KIF9: variants seen among roughly 807,000 people sequenced by gnomAD.
The protein encoded by KIF9 is kinesin family member 9.
A neutral mutation model predicts 94.8 loss-of-function variants in KIF9; 68 were observed. The observed-to-expected ratio is 0.72, with a 90% CI of 0.59 to 0.88. KIF9 has a LOEUF of 0.88. KIF9 is among the 40% of genes least tolerant of loss of function. The probability of loss-of-function intolerance (pLI) is 0.00; values close to 1 mark genes in which losing one functional copy is unlikely to be tolerated. For missense variants in KIF9, 882 were observed against 982.5 expected (o/e 0.90, Z 1.37); for synonymous variants, 343 against 362.1 (o/e 0.95, Z 0.60).
At position 47,243,127 on chromosome 3, in the gene KIF9, G is replaced by C; in HGVS notation, c.1633C>G (p.Leu545Val). The change falls in exon 16 of 21, where the codon CTT becomes GTT. Residue 545 changes from leucine to valine, a missense_variant. By Grantham distance (32) the Leu-to-Val change is conservative (BLOSUM62 1). Transcript: ENST00000684063. ...SSKDGDVKDM[L>V]SRDRETSSIE... ...CTGGAAGTTTCCCGGTCCCGCGAAA[G>C]CATGTCTTTGACATCCCCATCTTTG... 1.9e-6 allele frequency: 3 copies of C among 1,613,956 alleles called. No individual in the cohort carries two copies. The highest frequency in any genetic ancestry group is 2.5e-6 in the Non-Finnish European group (3 of 1,179,884).
chr3:47,248,504 A>G (rs1053622389), intron 10 of KIF9, among the ~76,000 whole-genome samples: 1 of 151,626 alleles, frequency 6.6e-6, no homozygotes, highest in African/African-American at 2.4e-5. Flanking sequence ...GTGCAATGGC[A>G]TGGTCTCAGC....
At chr3:47,230,173 G>A (rs1460641713) in intron 20 of KIF9, among the ~76,000 whole-genome samples, 3 of 151,768 alleles carry the variant, frequency 2.0e-5, no homozygotes, top group Non-Finnish European at 4.4e-5. Context: ...AGCACTTTGG[G>A]AAGCTGAGGT....
intron 1 of KIF9, among the ~76,000 whole-genome samples, chr3:47,279,631 T>G (rs1228011788): frequency 6.6e-6 from 1 of 151,792 alleles, no homozygotes; most frequent in Non-Finnish European, 1.5e-5. Flanking sequence ...TATTTTTTTT[T>G]TTTGAGGCAG....
chr3:47,273,648 C>T lies in KIF9; in HGVS notation c.270G>A (p.Met90Ile). 3 of 1,613,666 alleles carry T rather than the reference C, an allele frequency of 1.9e-6. No homozygotes were observed. Among genetic ancestry groups the T allele is most frequent in the Non-Finnish European group, 2.5e-6 (3 of 1,179,774 alleles). ...TGCCAGCTCCCGTCTGCCCATAACA[C>T]ATGATGGTGCCTGCAAACATTTCAA... The part of the protein sequence containing the change: ...QALDGYNGTI[M>I]CYGQTGAGKT... Residue 90 changes from methionine (M) to isoleucine (I), a missense_variant, in exon 4 of 21, where the codon ATG becomes ATA. Transcript: ENST00000684063.
intron 1 of KIF9, chr3:47,280,905 C>G (rs1470669480): frequency 4.3e-6 from 3 of 702,992 alleles, no homozygotes; most frequent in Non-Finnish European, 7.8e-6. Context: ...ACTCAGCAGC[C>G]CTTTAACACC....
intron 20 of KIF9, among the ~76,000 whole-genome samples, chr3:47,232,952 G>A (rs1379878960): frequency 4.0e-5 from 6 of 150,238 alleles, no homozygotes; most frequent in African/African-American, 1.2e-4. Context: ...CTGCATTCCA[G>A]GTTGGGCGAC....
rs960462084 is a variant in KIF9 at position 47,245,674 on chromosome 3, C to A, written c.1290-163G>T. 1.4e-4 allele frequency: 86 copies of A among 623,764 alleles called. 3 individuals carry two copies. Among genetic ancestry groups the A allele is most frequent in the Middle Eastern group, 8.6e-4 (2 of 2,324 alleles). The allele number at this position is 623,764 out of a possible 1,614,324, so 38.6% of individuals were successfully genotyped here. ...AGACAAAAGGACAAAGGACTCACTT[C>A]CCCCTGCCCCATTGCATATACCCAC... On this transcript the variant is annotated intron_variant, in intron 13 of 20. Transcript: ENST00000684063.
rs1701164169 is a variant in KIF9, at chr3:47,264,346, T to A, written c.921A>T (p.Gly307=). The A allele has an allele frequency of 6.2e-7, 1 of 1,613,416 alleles. No individual in the cohort carries two copies. The highest frequency in any genetic ancestry group is 8.5e-7 in the Non-Finnish European group (1 of 1,179,374). ...LTHALKDSLG[G]NCNMVLVTNI... is the part of the protein sequence containing the mutation. ...TTGTCACGAGGACCATATTGCAGTT[T>A]CCCCCTGCGGAAAGCAAGACACAGA... is the stretch of plus-strand genomic sequence containing the variant. Residue 307 remains glycine (G), a synonymous_variant, in exon 9 of 21, where the codon GGA becomes GGT. Transcript: ENST00000684063.
Position 47,261,365 on chromosome 3 carries a change from A to G in KIF9, c.981+2921T>C, listed in dbSNP as rs143490959. 6.7e-3 allele frequency among the ~76,000 whole-genome samples: 1,015 copies of G among 152,296 alleles called. 8 individuals carry two copies. The highest frequency in any genetic ancestry group is 0.011 in the Non-Finnish European group (744 of 68,018). On this transcript the variant is annotated intron_variant, in intron 9 of 20. Coordinates refer to ENST00000684063, the MANE Select transcript of KIF9 (RefSeq NM_182902.4). Reference sequence around the variant, plus strand: ...GTCTCTCTGGAGGGGGAGCCAGCCAAGGATAATTATGGCTGGAGGCCTATG... The same window carrying G: ...GTCTCTCTGGAGGGGGAGCCAGCCAGGGATAATTATGGCTGGAGGCCTATG...
intron 5 of KIF9, among the ~76,000 whole-genome samples, chr3:47,269,431 G>A (rs911104129): frequency 4.0e-5 from 6 of 151,754 alleles, no homozygotes; most frequent in African/African-American, 1.2e-4. Context: ...ACAGGCATGC[G>A]CCCCCATGCC....
At position 47,254,555 on chromosome 3, in the gene KIF9, G is replaced by A. The variant is rs186313218; in HGVS notation, c.1059+2928C>T. On this transcript the variant is annotated intron_variant, in intron 10 of 20. Coordinates refer to ENST00000684063, the MANE Select transcript of KIF9 (RefSeq NM_182902.4). ...GAACCTGGGAGGTAGAGGTTGCAGT[G>A]AGCAGAGATCGTGCCACTACACTCC... Among the ~76,000 whole-genome samples the A allele has an allele frequency of 2.1e-4, 32 of 152,378 alleles. 1 individual carries two copies. In the East Asian group the frequency reaches 5.0e-3, roughly 24 times the overall value.
At chr3:47,251,218 C>T (rs1474543721) in intron 10 of KIF9, among the ~76,000 whole-genome samples, 3 of 152,196 alleles carry the variant, frequency 2.0e-5, no homozygotes, top group Non-Finnish European at 2.9e-5. Flanking sequence ...AGCTTGATGA[C>T]TCTGTTCAGT....
chr3:47,266,512 G>T (rs80208616), intron 7 of KIF9, among the ~76,000 whole-genome samples: 1 of 152,106 alleles, frequency 6.6e-6, no homozygotes, highest in Admixed American at 6.6e-5. Flanking sequence ...GGTCATGGTG[G>T]TGCATACCTG....
rs547400008 is a variant in KIF9, at chr3:47,262,899, GTTTT to G, written c.981+1383_981+1386del. 2.0e-3 allele frequency among the ~76,000 whole-genome samples: 302 copies of G among 151,982 alleles called. 3 individuals carry two copies. Among genetic ancestry groups the G allele is most frequent in the African/African-American group, 6.5e-3 (271 of 41,440 alleles). ...GCTTTCCTAATCTGTCTTTTGTGGG[GTTTT>G]TTTGTTTTGTTTTTTTGAGACATCT... On this transcript the variant is annotated intron_variant, in intron 9 of 20. Coordinates refer to ENST00000684063, the MANE Select transcript of KIF9 (RefSeq NM_182902.4).
chr3:47,248,212 A>C (rs1183982019), intron 10 of KIF9, 126 bp from the exon 11 acceptor site: 6 of 738,080 alleles, frequency 8.1e-6, no homozygotes, highest in African/African-American at 7.0e-5. Flanking sequence ...TCCTGGATCC[A>C]CAGGGTATGC....
chr3:47,237,346 G>A (rs769832659), intron 17 of KIF9, among the ~76,000 whole-genome samples: 1 of 152,136 alleles, frequency 6.6e-6, no homozygotes, highest in African/African-American at 2.4e-5. Flanking sequence ...CGCCCGCCTC[G>A]GCCTCCCAAA....
chr3:47,275,190 T>C (rs1701882559), intron 3 of KIF9, 135 bp downstream of exon 3: 1 of 696,614 alleles, frequency 1.4e-6, no homozygotes, highest in Non-Finnish European at 2.3e-6. Flanking sequence ...ACAGTAAGTT[T>C]TGCAACGTAA....
chr3:47,252,470 G>C (rs892038090), intron 10 of KIF9, among the ~76,000 whole-genome samples: 40 of 152,170 alleles, frequency 2.6e-4, no homozygotes, highest in Admixed American at 2.4e-3. Context: ...GGTGGCGCAG[G>C]CCTGTGGTCC....
intron 11 of KIF9, 76 bp from the exon 12 acceptor site, chr3:47,247,553 A>G (rs1700007143): frequency 1.7e-6 from 2 of 1,164,424 alleles, no homozygotes; most frequent in Admixed American, 1.7e-5. Flanking sequence ...GGCCATTCTG[A>G]GAGGCAAAGT....
Sources: gnomAD v4.1 joint callset for allele counts (sites outside exome capture counted in the v4.1 genomes callset) on GRCh38, gnomAD v4.1.1 for gene constraint, MANE v1.5 for transcripts, NCBI Gene and HGNC (gene_info 2026-07-23, HGNC 2026-07-21) for gene names.